Variants in FOXP2 observed in about 807,000 individuals in gnomAD.
FOXP2 encodes the protein forkhead box protein P2.
FOXP2 carries 12 observed loss-of-function variants against 115.8 expected under a neutral mutation model. That is an observed-to-expected ratio of 0.10 (90% CI 0.07 to 0.17). The LOEUF (loss-of-function observed/expected upper bound fraction) is 0.17, where lower values mean the gene tolerates loss of function less well. Among genes scored for constraint, FOXP2 ranks in the 10% least tolerant of loss-of-function variants. FOXP2 has a pLI of 1.00. For synonymous variants in FOXP2, 328 were observed against 297.7 expected, an observed-to-expected ratio of 1.10 and a Z score of -1.05; for missense variants, 629 against 843.5, an observed-to-expected ratio of 0.75 and a Z score of 3.15.
intron 2 of FOXP2, among the ~76,000 whole-genome samples, chr7:114,313,854 T>A (rs1797210202): frequency 6.6e-6 from 1 of 152,168 alleles, no homozygotes; most frequent in South Asian, 2.1e-4. Flanking sequence ...ACATATCACC[T>A]GTACGTATTA....
chr7:114,299,712 G>A (rs1796831283), intron 2 of FOXP2, among the ~76,000 whole-genome samples: 1 of 151,852 alleles, frequency 6.6e-6, no homozygotes, highest in Admixed American at 6.6e-5. Context: ...ATTATTTGAG[G>A]AGTTGGACCC....
At chr7:114,256,961 G>A (rs990051352) in intron 1 of FOXP2, among the ~76,000 whole-genome samples, 1 of 152,080 alleles carries the variant, frequency 6.6e-6, no homozygotes, top group Non-Finnish European at 1.5e-5. Context: ...AATTCATATG[G>A]AACCAAAAGG....
In FOXP2 at chr7:114,191,232, T is replaced by C. The variant is rs888473023; in HGVS notation, c.-102+28144T>C. Reference sequence around the variant, plus strand: ...TTTATGGAGGGAGAAGGGCTAAATGTATACCTTTCCTTTCTGATTTTAACT... The same window carrying C: ...TTTATGGAGGGAGAAGGGCTAAATGCATACCTTTCCTTTCTGATTTTAACT... On this transcript the variant is annotated intron_variant, in intron 1 of 17. Transcript: ENST00000634411. Among the ~76,000 whole-genome samples, 7 of 152,190 alleles carry C rather than the reference T, an allele frequency of 4.6e-5. No homozygotes were observed. The East Asian group carries it at 1.3e-3, about 29-fold the overall frequency.
At chr7:114,432,653 T>C (rs1794166497) in intron 2 of FOXP2, among the ~76,000 whole-genome samples, 1 of 151,968 alleles carries the variant, frequency 6.6e-6, no homozygotes. Context: ...TATTTACATT[T>C]ATCAAGTTTA....
intron 2 of FOXP2, among the ~76,000 whole-genome samples, chr7:114,450,351 G>T (rs1795018981): frequency 1.3e-5 from 2 of 152,042 alleles, no homozygotes; most frequent in Non-Finnish European, 2.9e-5. Context: ...GGAAAGTGAT[G>T]AACTTAATCA....
At chr7:114,149,560 T>G (rs990153076) in intron 1 of FOXP2, among the ~76,000 whole-genome samples, 1 of 152,024 alleles carries the variant, frequency 6.6e-6, no homozygotes. Flanking sequence ...GCCCTTTAAT[T>G]ACCATCAAAG....
In FOXP2 at chr7:114,156,815, A is replaced by T. The variant is rs536915541; in HGVS notation, c.-246-6129A>T. Among the ~76,000 whole-genome samples the T allele has an allele frequency of 8.5e-5, 13 of 152,290 alleles. No homozygotes were observed. The South Asian group carries it at 2.7e-3, about 32-fold the overall frequency. ...GGGCCTTAGGAAAGACATTTATCTT[A>T]TCATTTAAAAGAAATTGTCATGTAA... On this transcript the variant is annotated intron_variant, in intron 1 of 19. Transcript: ENST00000635638.
chr7:114,239,755 G>GA (rs937704803), intron 1 of FOXP2, among the ~76,000 whole-genome samples: 12 of 152,056 alleles, frequency 7.9e-5, no homozygotes, highest in African/African-American at 2.2e-4. Context: ...AAAGAAATGA[G>GA]AAAAAAAATC....
chr7:114,329,702 A>T (rs1797651282), intron 2 of FOXP2, among the ~76,000 whole-genome samples: 1 of 150,262 alleles, frequency 6.7e-6, no homozygotes, highest in Non-Finnish European at 1.5e-5. Context: ...TATGAGATGC[A>T]GTCTTGCTCT....
At chr7:114,566,600 A>C (rs1801035113) in intron 3 of FOXP2, among the ~76,000 whole-genome samples, 1 of 152,122 alleles carries the variant, frequency 6.6e-6, no homozygotes, top group Non-Finnish European at 1.5e-5. Flanking sequence ...AGATGCCAGC[A>C]CCATGCTTCT....
intron 2 of FOXP2, among the ~76,000 whole-genome samples, chr7:114,294,027 TAAAGATTAACAGTCTATG>T (rs979394700): frequency 1.3e-5 from 2 of 152,138 alleles, no homozygotes; most frequent in Non-Finnish European, 2.9e-5. Flanking sequence ...GAGGGGAATA[TAAAGATTAACAGTCTATG>T]AAATATGATG....
At chr7:114,147,475 A>G (rs2129148227) in intron 1 of FOXP2, among the ~76,000 whole-genome samples, 1 of 152,230 alleles carries the variant, frequency 6.6e-6, no homozygotes, top group East Asian at 1.9e-4. Flanking sequence ...AGTACCCTTG[A>G]TCCTCTGAGC....
chr7:114,098,159 G>A (rs180908020), intron 1 of FOXP2, among the ~76,000 whole-genome samples: 15 of 152,248 alleles, frequency 9.9e-5, no homozygotes, highest in South Asian at 8.3e-4. Context: ...AACAGAAACC[G>A]GGGAGACGAT....
intron 1 of FOXP2, among the ~76,000 whole-genome samples, chr7:114,264,399 G>A (rs1795843524): frequency 1.3e-5 from 2 of 152,124 alleles, no homozygotes; most frequent in Non-Finnish European, 2.9e-5. Flanking sequence ...GTAACTTACT[G>A]TTACTATGCC....
intron 1 of FOXP2, among the ~76,000 whole-genome samples, chr7:114,114,548 A>G (rs1237816729): frequency 6.6e-6 from 1 of 152,122 alleles, no homozygotes; most frequent in Non-Finnish European, 1.5e-5. Flanking sequence ...TTTTGAAACA[A>G]CAAGTGCAGA....
intron 3 of FOXP2, among the ~76,000 whole-genome samples, chr7:114,604,212 C>T (rs1169780726): frequency 6.6e-6 from 1 of 152,022 alleles, no homozygotes; most frequent in Non-Finnish European, 1.5e-5. Context: ...CCGCACCTGG[C>T]AAAAAGAGAA....
chr7:114,171,569 C>G (rs540365530), intron 1 of FOXP2, among the ~76,000 whole-genome samples: 3 of 152,192 alleles, frequency 2.0e-5, no homozygotes, highest in South Asian at 4.1e-4. Context: ...GAGACTGTCT[C>G]TAAAAATAAG....
At chr7:114,561,448 A>G (rs1725894755) in intron 3 of FOXP2, 1 of 152,198 alleles carries the variant, frequency 6.6e-6, no homozygotes, top group Admixed American at 6.5e-5. Context: ...GTATCTTCCT[A>G]AAGATTATTA....
intron 1 of FOXP2, among the ~76,000 whole-genome samples, chr7:114,203,319 G>A (rs1046439213): frequency 1.3e-5 from 2 of 151,958 alleles, no homozygotes; most frequent in African/African-American, 4.8e-5. Flanking sequence ...TTACAGATCA[G>A]TTTACATCTC....
Sources: gnomAD v4.1 joint callset for allele counts (sites outside exome capture counted in the v4.1 genomes callset) on GRCh38, gnomAD v4.1.1 for gene constraint, MANE v1.5 for transcripts, NCBI Gene and HGNC (gene_info 2026-07-23, HGNC 2026-07-21) for gene names.